The following TENM3 variants were observed in gnomAD, a reference collection of about 807,000 sequenced individuals.
TENM3 encodes the protein teneurin transmembrane protein 3, also known as teneurin-3.
Under a neutral mutation model 255.1 loss-of-function variants are expected in TENM3, and 63 were observed. The ratio of observed to expected loss-of-function variants is 0.25; its 90% CI spans 0.20 to 0.30. The LOEUF is 0.30. TENM3 is among the 10% of genes least tolerant of loss of function. TENM3 has a pLI of 1.00. For synonymous variants in TENM3, 1,306 were observed against 1,322.3 expected (o/e 0.99, Z 0.27); for missense variants, 2,929 against 3,461.1 (o/e 0.85, Z 3.86).
chr4:181,628,148 T>C, the TENM3 span, among the ~76,000 whole-genome samples: 10 of 152,232 alleles, frequency 6.6e-5, no homozygotes, highest in Non-Finnish European at 1.3e-4. Flanking sequence ...TTGAGAAGTG[T>C]CTGTTCCTAT....
chr4:181,888,767 G>C, the TENM3 span, among the ~76,000 whole-genome samples: 1 of 151,010 alleles, frequency 6.6e-6, no homozygotes. Context: ...GTTGGAGGAG[G>C]GGGGAACAGT....
At chr4:182,717,414 G>A (rs981257220) in intron 13 of TENM3, among the ~76,000 whole-genome samples, 1 of 152,290 alleles carries the variant, frequency 6.6e-6, no homozygotes, top group East Asian at 1.9e-4. Context: ...ACAAACAGCT[G>A]TCATGTACGC....
chr4:181,744,595 A>C, the TENM3 span, among the ~76,000 whole-genome samples: 1 of 152,174 alleles, frequency 6.6e-6, no homozygotes. Context: ...AAACAGACTA[A>C]ACAAGAGAAA....
chr4:182,612,478 C>A (rs989925150), intron 4 of TENM3, among the ~76,000 whole-genome samples: 4 of 152,058 alleles, frequency 2.6e-5, no homozygotes, highest in Non-Finnish European at 5.9e-5. Context: ...TCCACGATCA[C>A]CCATGCGTAA....
the TENM3 span, among the ~76,000 whole-genome samples, chr4:182,068,752 G>T: frequency 6.6e-6 from 1 of 152,106 alleles, no homozygotes; most frequent in South Asian, 2.1e-4. Context: ...CATATTTCTG[G>T]TGATGCATAT....
the TENM3 span, among the ~76,000 whole-genome samples, chr4:181,770,502 G>A: frequency 6.6e-5 from 10 of 151,774 alleles, no homozygotes; most frequent in South Asian, 6.2e-4. Context: ...GTGAAACCCC[G>A]TCTCTACTAA....
chr4:182,336,931 C>A (rs2150589493), intron 2 of TENM3, among the ~76,000 whole-genome samples: 1 of 148,740 alleles, frequency 6.7e-6, no homozygotes, highest in African/African-American at 2.5e-5. Flanking sequence ...TCTTTGAGAG[C>A]CTCTGAGTCC....
intron 16 of TENM3, 77 bp downstream of exon 16, chr4:182,731,216 G>A: frequency 6.7e-7 from 1 of 1,485,910 alleles, no homozygotes; most frequent in East Asian, 2.3e-5. Context: ...TTAAAAATAG[G>A]TTATAGAGTC....
chr4:181,879,560 C>T, the TENM3 span, among the ~76,000 whole-genome samples: 1 of 152,160 alleles, frequency 6.6e-6, no homozygotes, highest in African/African-American at 2.4e-5. Context: ...AATCTCTTCT[C>T]ATGGGAAAGT....
At chr4:181,941,828 A>G in the TENM3 span, among the ~76,000 whole-genome samples, 1 of 152,122 alleles carries the variant, frequency 6.6e-6, no homozygotes. Flanking sequence ...CAGTTGTTTC[A>G]CAGGACTGAC....
chr4:181,456,093 A>ATG, the TENM3 span, among the ~76,000 whole-genome samples: 2 of 84,966 alleles, frequency 2.4e-5, no homozygotes, highest in East Asian at 2.4e-4. Context: ...CTTGGTAAAT[A>ATG]TATGTGTGTG....
the TENM3 span, among the ~76,000 whole-genome samples, chr4:182,133,989 G>T: frequency 4.6e-5 from 7 of 152,068 alleles, no homozygotes; most frequent in Non-Finnish European, 8.8e-5. Context: ...CTGAAATAGG[G>T]CCCAGAAACG....
At chr4:182,497,322 A>C (rs1735872827) in intron 3 of TENM3, among the ~76,000 whole-genome samples, 1 of 152,070 alleles carries the variant, frequency 6.6e-6, no homozygotes, top group Admixed American at 6.5e-5. Flanking sequence ...AAGTGCTGGG[A>C]TTACAGGCGT....
At chr4:182,479,728 A>G (rs978150067) in intron 3 of TENM3, among the ~76,000 whole-genome samples, 4 of 151,962 alleles carry the variant, frequency 2.6e-5, no homozygotes, top group African/African-American at 9.7e-5. Context: ...GTTTTTTGTC[A>G]TTTTCCATTC....
the TENM3 span, among the ~76,000 whole-genome samples, chr4:181,477,948 A>G: frequency 2.6e-5 from 4 of 152,240 alleles, no homozygotes; most frequent in African/African-American, 9.6e-5. Context: ...AAGACAGGGT[A>G]GCCTATTTAA....
intron 3 of TENM3, among the ~76,000 whole-genome samples, chr4:182,419,263 G>T (rs1032077345): frequency 2.0e-5 from 3 of 152,076 alleles, no homozygotes; most frequent in African/African-American, 4.8e-5. Context: ...ACAGACACAT[G>T]AAAAAATGCT....
At chr4:182,422,507 G>T (rs1770911487) in intron 3 of TENM3, among the ~76,000 whole-genome samples, 1 of 152,156 alleles carries the variant, frequency 6.6e-6, no homozygotes, top group Admixed American at 6.5e-5. Flanking sequence ...TGCCTCACGT[G>T]CAGGCTGCAA....
At chr4:182,646,569 C>T (rs1752763771) in intron 5 of TENM3, among the ~76,000 whole-genome samples, 1 of 152,014 alleles carries the variant, frequency 6.6e-6, no homozygotes, top group South Asian at 2.1e-4. Context: ...TCATGAAACC[C>T]CGTCTCTACT....
the TENM3 span, among the ~76,000 whole-genome samples, chr4:181,968,990 C>CTATATATATATA: frequency 1.1e-5 from 1 of 94,770 alleles, no homozygotes; most frequent in South Asian, 3.3e-4. Context: ...CTCTCTCTCT[C>CTATATATATATA]TCTATATACA....
Sources: gnomAD v4.1 joint callset for allele counts (sites outside exome capture counted in the v4.1 genomes callset) on GRCh38, gnomAD v4.1.1 for gene constraint, MANE v1.5 for transcripts, NCBI Gene and HGNC (gene_info 2026-07-23, HGNC 2026-07-21) for gene names.